Variants in LNPEP observed in about 807,000 individuals in gnomAD.
LNPEP encodes the protein leucyl-cystinyl aminopeptidase.
A neutral mutation model predicts 120.6 loss-of-function variants in LNPEP; 64 were observed. The observed-to-expected ratio is 0.53, with a 90% CI of 0.43 to 0.65. The LOEUF is 0.65. Ranked by LOEUF, LNPEP falls within the 30% of genes least tolerant of loss-of-function variation. LNPEP has a pLI of 0.00. For missense variants in LNPEP, 1,057 were observed against 1,200.0 expected, an observed-to-expected ratio of 0.88 and a Z score of 1.76; for synonymous variants, 435 against 425.4, an observed-to-expected ratio of 1.02 and a Z score of -0.28.
intron 13 of LNPEP, among the ~76,000 whole-genome samples, chr5:97,021,588 A>G (rs1283466623): frequency 6.6e-6 from 1 of 152,222 alleles, no homozygotes; most frequent in East Asian, 1.9e-4. Flanking sequence ...GTAAAGTCAC[A>G]AGGTCAGGAA....
chr5:96,939,248 C>T (rs1331429948), intron 1 of LNPEP, among the ~76,000 whole-genome samples: 1 of 146,884 alleles, frequency 6.8e-6, no homozygotes, highest in Non-Finnish European at 1.5e-5. Flanking sequence ...CAGTCTCACT[C>T]TGTTGCCCAG....
At chr5:96,991,310 T>C (rs553447241) in intron 4 of LNPEP, among the ~76,000 whole-genome samples, 2 of 152,306 alleles carry the variant, frequency 1.3e-5, no homozygotes, top group Admixed American at 6.5e-5. Flanking sequence ...TATCCACTCA[T>C]TGATCAATCC....
At chr5:96,980,992 CT>C (rs1790108783) in intron 2 of LNPEP, among the ~76,000 whole-genome samples, 1 of 152,112 alleles carries the variant, frequency 6.6e-6, no homozygotes, top group Non-Finnish European at 1.5e-5. Flanking sequence ...CATTTCAATT[CT>C]TGCGTGAGAT....
intron 1 of LNPEP, among the ~76,000 whole-genome samples, chr5:96,956,166 C>G (rs1225459769): frequency 6.6e-6 from 1 of 152,182 alleles, no homozygotes. Flanking sequence ...GGTAAGAATA[C>G]TTCAAATATT....
At chr5:97,007,412 T>C (rs899211028) in intron 11 of LNPEP, among the ~76,000 whole-genome samples, 1 of 152,214 alleles carries the variant, frequency 6.6e-6, no homozygotes, top group Non-Finnish European at 1.5e-5. Flanking sequence ...ATAGTAATTA[T>C]ACTTACTTTA....
intron 1 of LNPEP, among the ~76,000 whole-genome samples, chr5:96,948,120 C>CTTTTTTTTTTTTTTTTTTTTTT (rs769737708): frequency 7.0e-6 from 1 of 142,708 alleles, no homozygotes. Flanking sequence ...ACAAATTTCT[C>CTTTTTTTTTTTTTTTTTTTTTT]TTTTTTTTTT....
rs1034747318 is a variant in LNPEP at position 97,036,036 on chromosome 5, A to G, written c.*7503A>G. 2 of 150,894 alleles carry G rather than the reference A, an allele frequency of 1.3e-5. No homozygotes were observed. The highest frequency in any genetic ancestry group is 2.4e-5 in the African/African-American group (1 of 41,430). The allele number at this position is 150,894 out of a possible 1,614,324, so 9.3% of individuals were successfully genotyped here. ...GGTAAACCGGCGAAGCTGATAAGCC[A>G]ATAAGAGTGCTGTCTAGAACGCATT... On this transcript the variant is annotated 3_prime_UTR_variant, in exon 18 of 18. Transcript: ENST00000231368.
intron 11 of LNPEP, among the ~76,000 whole-genome samples, chr5:97,006,874 A>G (rs1487052768): frequency 6.6e-6 from 1 of 152,218 alleles, no homozygotes; most frequent in Non-Finnish European, 1.5e-5. Flanking sequence ...GCATTTTAAC[A>G]AGATACACCC....
chr5:97,002,360 G>A (rs887384186), intron 8 of LNPEP, among the ~76,000 whole-genome samples: 20 of 152,222 alleles, frequency 1.3e-4, no homozygotes, highest in Non-Finnish European at 2.9e-5. Flanking sequence ...TTTAAAATTA[G>A]GAATGTTACA....
chr5:97,010,370 A>C, intron 11 of LNPEP: 1 of 984,802 alleles, frequency 1.0e-6, no homozygotes, highest in Non-Finnish European at 1.2e-6. Flanking sequence ...ATTAGGATGA[A>C]AGAAGGAAGG....
chr5:96,944,382 G>T (rs529095749), intron 1 of LNPEP, among the ~76,000 whole-genome samples: 26 of 152,048 alleles, frequency 1.7e-4, no homozygotes, highest in Admixed American at 3.9e-4. Flanking sequence ...GCCCAACATG[G>T]TTGGGTTACA....
chr5:96,993,050 A>T lies in LNPEP; in HGVS notation c.1167A>T (p.Gln389His). ...ATGCTGTACCAGAAAAGATTGGTCA[A>T]GTTCATTATGCCTTGGAAACAACTG... ...SIYAVPEKIG[Q>H]VHYALETTVK... Residue 389 changes from glutamine (Q) to histidine (H), a missense_variant, in exon 5 of 18, where the codon CAA becomes CAT. By Grantham distance (24) the Gln-to-His change is conservative. Coordinates refer to ENST00000231368, the MANE Select transcript of LNPEP (RefSeq NM_005575.3). The T allele has an allele frequency of 6.3e-7, 1 of 1,598,226 alleles. No individual in the cohort carries two copies. The highest frequency in any genetic ancestry group is 8.6e-7 in the Non-Finnish European group (1 of 1,169,096).
chr5:97,003,501 C>A lies in LNPEP; in HGVS notation c.1740C>A (p.Ser580Arg). Reference sequence around the variant, plus strand: ...TTGTCCTTTACCTGCATAATCACAGCTATGCATCTATTCAAAGTGATGATC... The same window carrying A: ...TTGTCCTTTACCTGCATAATCACAGATATGCATCTATTCAAAGTGATGATC... Reference protein sequence around the residue: ...HAVVLYLHNHSYASIQSDDLW... With the variant: ...HAVVLYLHNHRYASIQSDDLW... The change falls in exon 9 of 18, where the codon AGC (serine) becomes AGA (arginine). Residue 580 changes from serine to arginine, a missense_variant. Ser to Arg is a moderately radical substitution (Grantham distance 110, BLOSUM62 -1). Coordinates refer to ENST00000231368, the MANE Select transcript of LNPEP (RefSeq NM_005575.3). 1 of 1,603,326 alleles carries A rather than the reference C, an allele frequency of 6.2e-7. No homozygotes were observed. Among genetic ancestry groups the A allele is most frequent in the Non-Finnish European group, 8.5e-7 (1 of 1,171,892 alleles).
chr5:97,017,237 A>G (rs1437105546), intron 13 of LNPEP, among the ~76,000 whole-genome samples: 1 of 152,076 alleles, frequency 6.6e-6, no homozygotes, highest in East Asian at 1.9e-4. Context: ...TGATGTGAAG[A>G]TGATTTTCTT....
chr5:96,957,946 C>A (rs1358051246), intron 1 of LNPEP, among the ~76,000 whole-genome samples: 4 of 152,172 alleles, frequency 2.6e-5, no homozygotes, highest in Non-Finnish European at 5.9e-5. Flanking sequence ...TTTAAGGGAT[C>A]CTCTTTTCTG....
intron 13 of LNPEP, among the ~76,000 whole-genome samples, chr5:97,018,237 G>C (rs941606257): frequency 2.0e-5 from 3 of 152,166 alleles, no homozygotes; most frequent in Admixed American, 2.0e-4. Flanking sequence ...CCTGTGAGGA[G>C]GCAGAATATC....
intron 1 of LNPEP, among the ~76,000 whole-genome samples, chr5:96,973,148 T>C (rs1242375094): frequency 6.6e-6 from 1 of 152,114 alleles, no homozygotes; most frequent in Non-Finnish European, 1.5e-5. Flanking sequence ...CCCTTCAGAT[T>C]CTGGTGAGAT....
At chr5:96,972,604 C>T (rs989235215) in intron 1 of LNPEP, among the ~76,000 whole-genome samples, 3 of 152,076 alleles carry the variant, frequency 2.0e-5, no homozygotes, top group African/African-American at 7.2e-5. Flanking sequence ...TGCTGAACTA[C>T]AGTTGGGAAA....
chr5:97,021,923 G>GTTTTTTTTTTTT (rs1165456605), intron 13 of LNPEP, among the ~76,000 whole-genome samples: 3 of 57,170 alleles, frequency 5.2e-5, no homozygotes, highest in African/African-American at 1.5e-4. Flanking sequence ...TTTGTCTTTT[G>GTTTTTTTTTTTT]TTTTTTTTTT....
Sources: allele counts gnomAD v4.1 joint callset (sites outside exome capture counted in the v4.1 genomes callset), GRCh38; gene constraint gnomAD v4.1.1; transcripts MANE v1.5; gene names NCBI Gene and HGNC (gene_info 2026-07-23, HGNC 2026-07-21).